Variants in HS6ST3 observed in about 807,000 individuals in gnomAD.
HS6ST3 encodes the protein heparan sulfate 6-O-sulfotransferase 3, also known as heparan-sulfate 6-O-sulfotransferase 3.
In HS6ST3, 12 loss-of-function variants were observed where a neutral mutation model predicts 36.7. The observed-to-expected ratio is 0.33, with a 90% CI of 0.21 to 0.53. The LOEUF (loss-of-function observed/expected upper bound fraction) is 0.53. HS6ST3 is among the 20% of genes least tolerant of loss of function. The pLI, the probability that HS6ST3 is intolerant of heterozygous loss-of-function variation, is 0.95. For missense variants in HS6ST3, 584 were observed against 640.9 expected (o/e 0.91, Z 0.96); for synonymous variants, 240 against 257.5 (o/e 0.93, Z 0.65).
intron 1 of HS6ST3, among the ~76,000 whole-genome samples, chr13:96,095,863 GGTGTGTGT>G (rs141939376): frequency 0.18 from 25,708 of 140,332 alleles, 2,413 homozygotes; most frequent in East Asian, 0.28. Context: ...TTATATGACT[GGTGTGTGT>G]GTGTGTGTGT....
intron 1 of HS6ST3, among the ~76,000 whole-genome samples, chr13:96,746,898 T>G (rs1324697177): frequency 6.6e-6 from 1 of 152,094 alleles, no homozygotes; most frequent in Non-Finnish European, 1.5e-5. Flanking sequence ...AGCTGGAAGG[T>G]TCTTATGCCA....
intron 1 of HS6ST3, among the ~76,000 whole-genome samples, chr13:96,784,955 G>A (rs1594859495): frequency 1.3e-5 from 2 of 152,154 alleles, no homozygotes. Context: ...ATCGCTTGAG[G>A]TCAGGAGTTC....
chr13:96,548,560 A>C (rs2138946806), intron 1 of HS6ST3, among the ~76,000 whole-genome samples: 1 of 152,300 alleles, frequency 6.6e-6, no homozygotes, highest in East Asian at 1.9e-4. Context: ...ACTCAAGTGC[A>C]CATGTATGTA....
intron 1 of HS6ST3, among the ~76,000 whole-genome samples, chr13:96,200,833 A>G (rs1178536972): frequency 6.6e-6 from 1 of 152,132 alleles, no homozygotes; most frequent in East Asian, 1.9e-4. Context: ...CTTTTCTTTA[A>G]TACATGATCC....
At chr13:96,142,995 T>C (rs1367006741) in intron 1 of HS6ST3, among the ~76,000 whole-genome samples, 2 of 152,144 alleles carry the variant, frequency 1.3e-5, no homozygotes, top group Non-Finnish European at 2.9e-5. Context: ...TTACATATTT[T>C]ACCTCCCCCA....
At chr13:96,658,236 A>G (rs1383353772) in intron 1 of HS6ST3, among the ~76,000 whole-genome samples, 3 of 112,108 alleles carry the variant, frequency 2.7e-5, no homozygotes, top group Non-Finnish European at 5.6e-5. Flanking sequence ...GCCACAATTT[A>G]TCTTTCTTCT....
intron 1 of HS6ST3, among the ~76,000 whole-genome samples, chr13:96,541,917 T>A (rs1196389618): frequency 6.6e-6 from 1 of 152,242 alleles, no homozygotes; most frequent in Non-Finnish European, 1.5e-5. Context: ...TTGCTTTTCT[T>A]ATGTCACTTG....
rs565149026 is a variant in HS6ST3 at position 96,806,885 on chromosome 13, C to T, written c.708-25605C>T. ...CTGATATATGCCAAGTCTGTATCTT[C>T]ACCTGGGACAACTGCCTGTTAGATC... On this transcript the variant is annotated intron_variant, in intron 1 of 1. Coordinates refer to ENST00000376705, the MANE Select transcript of HS6ST3 (RefSeq NM_153456.4). 6.6e-5 allele frequency among the ~76,000 whole-genome samples: 10 copies of T among 152,278 alleles called. No individual in the cohort carries two copies. The South Asian group carries it at 1.7e-3, about 25-fold the overall frequency.
intron 1 of HS6ST3, among the ~76,000 whole-genome samples, chr13:96,154,073 T>C (rs1324389904): frequency 3.3e-5 from 5 of 152,180 alleles, no homozygotes; most frequent in Non-Finnish European, 7.3e-5. Context: ...AGATATTTTA[T>C]ATAAAACAGC....
rs1879008961 is a variant in HS6ST3, at chr13:96,839,178, C to T, written c.*5980C>T. ...TCACATGTGTCTTCCACCTCCTTGA[C>T]ATTTATTTGTTAATCATATGATCAT... On this transcript the variant is annotated 3_prime_UTR_variant, in exon 2 of 2. Transcript: ENST00000376705. 2 of 152,154 alleles carry T rather than the reference C, an allele frequency of 1.3e-5. No homozygotes were observed. Among genetic ancestry groups the T allele is most frequent in the Non-Finnish European group, 2.9e-5 (2 of 68,014 alleles). 9.4% of individuals were successfully genotyped at this position (152,154 alleles called of 1,614,324 possible). A position where few individuals can be genotyped will look rare whatever the true frequency, so the allele number is the denominator to read the frequency against.
intron 1 of HS6ST3, among the ~76,000 whole-genome samples, chr13:96,658,683 T>TTTTA (rs891069480): frequency 1.3e-5 from 2 of 151,568 alleles, no homozygotes; most frequent in Non-Finnish European, 2.9e-5. Context: ...ATATGAACTC[T>TTTTA]TTTATTTATT....
chr13:96,375,040 T>A (rs1164889723), intron 1 of HS6ST3, among the ~76,000 whole-genome samples: 1 of 152,052 alleles, frequency 6.6e-6, no homozygotes, highest in East Asian at 1.9e-4. Context: ...CCCTACTCAC[T>A]GTGCTGTAGC....
At chr13:96,404,852 A>G (rs2055469401) in intron 1 of HS6ST3, among the ~76,000 whole-genome samples, 1 of 152,206 alleles carries the variant, frequency 6.6e-6, no homozygotes, top group African/African-American at 2.4e-5. Flanking sequence ...AACTCCCACA[A>G]TAGCCACATA....
chr13:96,469,506 T>A (rs1594786945), intron 1 of HS6ST3, among the ~76,000 whole-genome samples: 1 of 152,152 alleles, frequency 6.6e-6, no homozygotes, highest in East Asian at 1.9e-4. Context: ...TCCTTGCCAT[T>A]GGCCTGTATT....
intron 1 of HS6ST3, among the ~76,000 whole-genome samples, chr13:96,118,352 A>G (rs949602008): frequency 6.6e-6 from 1 of 152,074 alleles, no homozygotes; most frequent in Non-Finnish European, 1.5e-5. Context: ...CTACAAGCCA[A>G]AAAGGAAGGC....
intron 1 of HS6ST3, among the ~76,000 whole-genome samples, chr13:96,595,107 A>G (rs1771292665): frequency 1.3e-5 from 2 of 152,134 alleles, no homozygotes; most frequent in Admixed American, 6.6e-5. Context: ...GTGCAGTGGC[A>G]CAATCATACC....
intron 1 of HS6ST3, among the ~76,000 whole-genome samples, chr13:96,579,652 G>A (rs1467105485): frequency 2.0e-5 from 3 of 152,060 alleles, no homozygotes; most frequent in East Asian, 1.9e-4. Context: ...AATGCTAAGC[G>A]AGATATCATC....
At chr13:96,318,526 C>G (rs2054987343) in intron 1 of HS6ST3, among the ~76,000 whole-genome samples, 3 of 138,920 alleles carry the variant, frequency 2.2e-5, no homozygotes, top group Admixed American at 7.5e-5. Flanking sequence ...GAGTGAGACT[C>G]CTTCTCAAAA....
chr13:96,738,237 T>G (rs1339538811), intron 1 of HS6ST3, among the ~76,000 whole-genome samples: 2 of 152,236 alleles, frequency 1.3e-5, no homozygotes, highest in East Asian at 3.9e-4. Context: ...TGATGTAAGC[T>G]TTCTGCATGG....
Sources: gnomAD v4.1 joint callset for allele counts (sites outside exome capture counted in the v4.1 genomes callset) on GRCh38, gnomAD v4.1.1 for gene constraint, MANE v1.5 for transcripts, NCBI Gene and HGNC (gene_info 2026-07-23, HGNC 2026-07-21) for gene names.